Variants in RGS6 observed in about 807,000 individuals in gnomAD.
RGS6 encodes regulator of G protein signaling 6, also known as regulator of G-protein signaling 6.
A neutral mutation model predicts 78.5 loss-of-function variants in RGS6; 30 were observed. The ratio of observed to expected loss-of-function variants is 0.38; its 90% CI spans 0.29 to 0.52. The LOEUF is 0.52. Among genes scored for constraint, RGS6 ranks in the 20% least tolerant of loss-of-function variants. RGS6 has a pLI of 0.85. For synonymous variants in RGS6, 206 were observed against 206.0 expected, an observed-to-expected ratio of 1.00 and a Z score of 0.00; for missense variants, 495 against 609.7, an observed-to-expected ratio of 0.81 and a Z score of 1.98.
intron 2 of RGS6, among the ~76,000 whole-genome samples, chr14:72,017,585 A>C (rs189972957): frequency 6.6e-6 from 1 of 152,280 alleles, no homozygotes; most frequent in African/African-American, 2.4e-5. Flanking sequence ...GCAAAGCCTA[A>C]ATACCTGCCT....
intron 1 of RGS6, among the ~76,000 whole-genome samples, chr14:71,934,148 G>A (rs1417688063): frequency 6.6e-6 from 1 of 152,112 alleles, no homozygotes; most frequent in African/African-American, 2.4e-5. Flanking sequence ...AAAGTAGAGG[G>A]CTGAGGGACA....
chr14:71,895,361 A>G, the RGS6 span, among the ~76,000 whole-genome samples: 7 of 150,582 alleles, frequency 4.6e-5, no homozygotes, highest in African/African-American at 7.3e-5. Context: ...TTTTTTTTTT[A>G]TTTTTAGTAG....
At chr14:72,519,975 G>A (rs1467051938) in intron 15 of RGS6, among the ~76,000 whole-genome samples, 1 of 152,058 alleles carries the variant, frequency 6.6e-6, no homozygotes, top group African/African-American at 2.4e-5. Context: ...TTAACACTTG[G>A]AAAAGTGGAA....
chr14:72,087,997 C>G (rs1186248267), intron 2 of RGS6, among the ~76,000 whole-genome samples: 2 of 152,080 alleles, frequency 1.3e-5, no homozygotes, highest in Non-Finnish European at 2.9e-5. Flanking sequence ...AAATAAAGGT[C>G]AGATGAGAAT....
chr14:72,166,112 ACACACACACACACACACACACAC>A (rs2096922669), intron 2 of RGS6, among the ~76,000 whole-genome samples: 3 of 151,424 alleles, frequency 2.0e-5, no homozygotes, highest in Non-Finnish European at 4.4e-5. Context: ...ACACACACAC[ACACACACACACACACACACACAC>A]ACAGACTGAC....
rs547925379 is a variant in RGS6, at chr14:72,032,406, AT to A, written c.84+67532del. The stretch of plus-strand genomic sequence containing the variant: ...CAATATTTTTAGCACTGTAATTGGC[AT>A]ATCTTTGATTATCAATAAGACTGGG... On this transcript the variant is annotated intron_variant, in intron 2 of 17. Coordinates refer to ENST00000553525, the MANE Select transcript of RGS6 (RefSeq NM_001204424.2). 6.5e-3 allele frequency among the ~76,000 whole-genome samples: 989 copies of A among 152,298 alleles called. 11 individuals carry two copies. The highest frequency in any genetic ancestry group is 0.023 in the African/African-American group (936 of 41,572).
chr14:72,001,895 C>CTTTTTTTTTTTTTTTTTTTTTTTTTTTTT (rs59274317), intron 2 of RGS6, among the ~76,000 whole-genome samples: 1 of 92,552 alleles, frequency 1.1e-5, no homozygotes, highest in Non-Finnish European at 2.0e-5. Flanking sequence ...ATCCATTAAT[C>CTTTTTTTTTTTTTTTTTTTTTTTTTTTTT]TTTTTTTTTT....
chr14:71,936,030 A>ATATATACATATATATATATATG (rs1555390439), intron 1 of RGS6, among the ~76,000 whole-genome samples: 3 of 133,222 alleles, frequency 2.3e-5, no homozygotes, highest in African/African-American at 8.0e-5. Flanking sequence ...ATATATATAT[A>ATATATACATATATATATATATG]TATATATATA....
intron 2 of RGS6, among the ~76,000 whole-genome samples, chr14:72,247,106 G>A (rs541796571): frequency 1.3e-5 from 2 of 152,200 alleles, no homozygotes; most frequent in African/African-American, 2.4e-5. Context: ...AATAACTTCC[G>A]TGAAGACTTG....
intron 2 of RGS6, among the ~76,000 whole-genome samples, chr14:72,045,367 A>G (rs1308024501): frequency 6.6e-6 from 1 of 152,148 alleles, no homozygotes; most frequent in African/African-American, 2.4e-5. Context: ...ATAAGGTTTT[A>G]TGTTAATCTA....
At chr14:72,446,119 A>C (rs186142598) in intron 3 of RGS6, among the ~76,000 whole-genome samples, 258 of 152,288 alleles carry the variant, frequency 1.7e-3, no homozygotes, top group African/African-American at 5.8e-3. Flanking sequence ...ATTAGCCAGC[A>C]TGGTGGTACA....
the RGS6 span, among the ~76,000 whole-genome samples, chr14:72,606,408 C>G: frequency 5.3e-5 from 8 of 152,286 alleles, no homozygotes; most frequent in African/African-American, 1.9e-4. Context: ...CTCTCAGTAG[C>G]CTTTCTGCCA....
chr14:72,331,864 C>T (rs2075123051), intron 2 of RGS6, among the ~76,000 whole-genome samples: 1 of 152,148 alleles, frequency 6.6e-6, no homozygotes, highest in African/African-American at 2.4e-5. Flanking sequence ...TTTTACAGTT[C>T]ATGTCTGCGA....
chr14:72,129,615 C>T lies in RGS6; in HGVS notation c.84+164740C>T, dbSNP rs929196697. On this transcript the variant is annotated intron_variant, in intron 2 of 17. Coordinates refer to ENST00000553525, the MANE Select transcript of RGS6 (RefSeq NM_001204424.2). ...CTGGAACTGAGGTTTCCGGTGGCTC[C>T]GCTTGACTACAGGGATGTTGGGCTG... Among the ~76,000 whole-genome samples the T allele has an allele frequency of 2.8e-4, 42 of 152,130 alleles. 1 individual carries two copies. Among genetic ancestry groups the T allele is most frequent in the Admixed American group, 4.6e-4 (7 of 15,268 alleles).
chr14:71,992,003 C>G (rs903684650), intron 2 of RGS6, among the ~76,000 whole-genome samples: 2 of 148,186 alleles, frequency 1.3e-5, no homozygotes, highest in Non-Finnish European at 3.0e-5. Context: ...TGTAGTTTGC[C>G]TATGCTTGTC....
chr14:72,398,180 C>G lies in RGS6; in HGVS notation c.184+45986C>G, dbSNP rs544507431. On this transcript the variant is annotated intron_variant, in intron 3 of 17. Coordinates refer to ENST00000553525, the MANE Select transcript of RGS6 (RefSeq NM_001204424.2). ...AATTCGGCTGTGAATCCATCTGGTCCTGGACTTTTTTTGGTTGGTAAGCTA... is the reference window on the plus strand; with the variant it reads ...AATTCGGCTGTGAATCCATCTGGTCGTGGACTTTTTTTGGTTGGTAAGCTA... Among the ~76,000 whole-genome samples, 853 of 152,242 alleles carry G rather than the reference C, an allele frequency of 5.6e-3. 6 individuals carry two copies. The highest frequency in any genetic ancestry group is 0.02 in the African/African-American group (811 of 41,550).
At chr14:72,115,255 G>T (rs890225069) in intron 2 of RGS6, among the ~76,000 whole-genome samples, 1 of 152,150 alleles carries the variant, frequency 6.6e-6, no homozygotes, top group Non-Finnish European at 1.5e-5. Context: ...TTTGACTTAC[G>T]CAGCTGTGGG....
the RGS6 span, among the ~76,000 whole-genome samples, chr14:71,916,249 T>C: frequency 5.3e-4 from 81 of 152,256 alleles, no homozygotes; most frequent in African/African-American, 1.9e-3. Context: ...AAAAAGTAGA[T>C]GGAAAGAGCT....
chr14:72,535,821 T>TA (rs1276882345), intron 15 of RGS6, among the ~76,000 whole-genome samples: 3 of 152,224 alleles, frequency 2.0e-5, no homozygotes, highest in African/African-American at 7.2e-5. Flanking sequence ...TTGGCTTTTT[T>TA]ACTCATCCTA....
Sources: allele counts gnomAD v4.1 joint callset (sites outside exome capture counted in the v4.1 genomes callset), GRCh38; gene constraint gnomAD v4.1.1; transcripts MANE v1.5; gene names NCBI Gene and HGNC (gene_info 2026-07-23, HGNC 2026-07-21).